ZHX2: variants seen among roughly 807,000 people sequenced by gnomAD.
ZHX2 encodes the protein zinc fingers and homeoboxes 2.
Under a neutral mutation model 21.9 loss-of-function variants are expected in ZHX2, and 6 were observed. The ratio of observed to expected loss-of-function variants is 0.27; its 90% CI spans 0.15 to 0.54. ZHX2 has a LOEUF of 0.54. Ranked by LOEUF, ZHX2 falls within the 20% of genes least tolerant of loss-of-function variation. ZHX2 has a pLI of 0.95. For missense variants in ZHX2, 908 were observed against 1,090.7 expected, an observed-to-expected ratio of 0.83 and a Z score of 2.36; for synonymous variants, 434 against 437.1, an observed-to-expected ratio of 0.99 and a Z score of 0.09.
chr8:122,965,569 A>C (rs983370581), intron 3 of ZHX2, among the ~76,000 whole-genome samples: 4 of 152,180 alleles, frequency 2.6e-5, no homozygotes, highest in Admixed American at 1.3e-4. Flanking sequence ...GTGGCCTATC[A>C]TATGGTCTGT....
chr8:122,848,525 A>T (rs1255902384), intron 1 of ZHX2, among the ~76,000 whole-genome samples: 1 of 152,106 alleles, frequency 6.6e-6, no homozygotes, highest in Non-Finnish European at 1.5e-5. Flanking sequence ...CCCCTCATTA[A>T]GGGTTCTGAG....
chr8:122,937,220 C>T (rs1380599962), intron 2 of ZHX2, among the ~76,000 whole-genome samples: 1 of 152,210 alleles, frequency 6.6e-6, no homozygotes, highest in East Asian at 1.9e-4. Context: ...AATTAGGAGA[C>T]CTCATGGAAG....
intron 2 of ZHX2, among the ~76,000 whole-genome samples, chr8:122,873,602 C>A (rs943086813): frequency 3.9e-5 from 6 of 152,164 alleles, no homozygotes. Context: ...CTGGTGAGTT[C>A]TCTGGTTTAT....
intron 1 of ZHX2, among the ~76,000 whole-genome samples, chr8:122,825,771 G>C (rs985827105): frequency 6.6e-6 from 1 of 152,148 alleles, no homozygotes; most frequent in Non-Finnish European, 1.5e-5. Flanking sequence ...TTCTCCATAT[G>C]CAGGTAAGTG....
Position 122,951,250 on chromosome 8 carries a change from G to A in ZHX2, c.-219-42G>A, listed in dbSNP as rs1004221332. 8.2e-5 allele frequency: 36 copies of A among 440,670 alleles called. No individual in the cohort carries two copies. In the East Asian group the frequency reaches 8.8e-4, roughly 11 times the overall value. The allele number at this position is 440,670 out of a possible 1,614,324, so 27.3% of individuals were successfully genotyped here. A position where few individuals can be genotyped will look rare whatever the true frequency, so the allele number is the denominator to read the frequency against. ...ATAAAGAAGTGCCAGTTTCTTTTGC[G>A]TTGTGAAGAGACACTGACCCTGTCT... is the stretch of plus-strand genomic sequence containing the variant. On this transcript the variant is annotated intron_variant, in intron 2 of 3. Transcript: ENST00000314393.
At position 122,831,046 on chromosome 8, in the gene ZHX2, G is replaced by A. The variant is rs368023048; in HGVS notation, c.-282-32431G>A. On this transcript the variant is annotated intron_variant, in intron 1 of 3. Coordinates refer to ENST00000314393, the MANE Select transcript of ZHX2 (RefSeq NM_014943.5). ...CTTGGGTAATTTAGCTGATGAAGGCGGGCCCGTTACCAGAGTGGATGGATG... is the reference window on the plus strand; with the variant it reads ...CTTGGGTAATTTAGCTGATGAAGGCAGGCCCGTTACCAGAGTGGATGGATG... 1.2e-4 allele frequency among the ~76,000 whole-genome samples: 18 copies of A among 152,274 alleles called. No homozygotes were observed. In the East Asian group the frequency reaches 1.9e-3, roughly 16 times the overall value.
intron 1 of ZHX2, among the ~76,000 whole-genome samples, chr8:122,821,753 G>A (rs1262103084): frequency 1.3e-5 from 2 of 152,020 alleles, no homozygotes; most frequent in Admixed American, 1.3e-4. Context: ...CACCCAGGCT[G>A]GAGTGCGGTG....
chr8:122,959,554 C>T (rs542855691), intron 3 of ZHX2, among the ~76,000 whole-genome samples: 2 of 152,270 alleles, frequency 1.3e-5, no homozygotes, highest in East Asian at 1.9e-4. Context: ...TGCTGAATAA[C>T]GGTTTATTGA....
chr8:122,947,293 A>T (rs1813002381), intron 2 of ZHX2, among the ~76,000 whole-genome samples: 1 of 151,562 alleles, frequency 6.6e-6, no homozygotes, highest in African/African-American at 2.4e-5. Flanking sequence ...TTCTGCCTTG[A>T]TGGAGTTTCT....
intron 2 of ZHX2, among the ~76,000 whole-genome samples, chr8:122,896,932 T>C (rs1009896766): frequency 6.6e-6 from 1 of 152,264 alleles, no homozygotes; most frequent in Non-Finnish European, 1.5e-5. Context: ...TGTTTAACTT[T>C]CAACAGCCTT....
chr8:122,849,390 G>A (rs1007149665), intron 1 of ZHX2, among the ~76,000 whole-genome samples: 39 of 152,172 alleles, frequency 2.6e-4, no homozygotes, highest in African/African-American at 8.9e-4. Flanking sequence ...GGGTTGCTGG[G>A]ACAAATTAGT....
At chr8:122,942,095 G>A (rs561223807) in intron 2 of ZHX2, among the ~76,000 whole-genome samples, 37 of 152,332 alleles carry the variant, frequency 2.4e-4, no homozygotes, top group African/African-American at 8.2e-4. Context: ...GATGAGAAGA[G>A]AGCTGGGTTG....
chr8:122,852,697 C>A (rs190943280), intron 1 of ZHX2, among the ~76,000 whole-genome samples: 24 of 152,174 alleles, frequency 1.6e-4, no homozygotes, highest in African/African-American at 5.5e-4. Flanking sequence ...GAGTCATGGG[C>A]GTGAATGCAA....
chr8:122,921,352 AG>A (rs1438475482), intron 2 of ZHX2, among the ~76,000 whole-genome samples: 2 of 152,046 alleles, frequency 1.3e-5, no homozygotes, highest in Admixed American at 6.5e-5. Context: ...CCAAAGTGCT[AG>A]GATTACAGGC....
chr8:122,825,895 T>C (rs1818255397), intron 1 of ZHX2, among the ~76,000 whole-genome samples: 1 of 152,118 alleles, frequency 6.6e-6, no homozygotes, highest in Non-Finnish European at 1.5e-5. Context: ...CCTCTCCCCC[T>C]CTCTTTATTT....
At chr8:122,819,569 C>A (rs1818099648) in intron 1 of ZHX2, among the ~76,000 whole-genome samples, 1 of 152,240 alleles carries the variant, frequency 6.6e-6, no homozygotes, top group East Asian at 1.9e-4. Context: ...GCTTCCACTG[C>A]AGTCAGTTCC....
intron 2 of ZHX2, among the ~76,000 whole-genome samples, chr8:122,948,740 C>T (rs184974283): frequency 4.6e-5 from 7 of 152,256 alleles, no homozygotes; most frequent in African/African-American, 1.4e-4. Context: ...AATAATAATG[C>T]ATGCTGCTGA....
chr8:122,888,398 T>C (rs1024215838), intron 2 of ZHX2, among the ~76,000 whole-genome samples: 5 of 152,192 alleles, frequency 3.3e-5, no homozygotes, highest in African/African-American at 1.2e-4. Context: ...AACATGTACA[T>C]TTCTTTCCGT....
intron 3 of ZHX2, among the ~76,000 whole-genome samples, chr8:122,957,276 A>T (rs991403446): frequency 6.8e-6 from 1 of 146,324 alleles, no homozygotes; most frequent in African/African-American, 2.6e-5. Flanking sequence ...CGTTCTCAGG[A>T]CAGGGACTAG....
Sources: allele counts gnomAD v4.1 joint callset (sites outside exome capture counted in the v4.1 genomes callset), GRCh38; gene constraint gnomAD v4.1.1; transcripts MANE v1.5; gene names NCBI Gene and HGNC (gene_info 2026-07-23, HGNC 2026-07-21).